Variants in NRCAM observed in about 807,000 individuals in gnomAD.
NRCAM encodes the protein NgCAM-related cell adhesion molecule.
A neutral mutation model predicts 156.5 loss-of-function variants in NRCAM; 83 were observed. That is an observed-to-expected ratio of 0.53 (90% confidence interval 0.44 to 0.64). The LOEUF (loss-of-function observed/expected upper bound fraction) is 0.64, where lower values mean the gene tolerates loss of function less well. Among genes scored for constraint, NRCAM ranks in the 30% least tolerant of loss-of-function variants. NRCAM has a pLI of 0.00. For synonymous variants in NRCAM, 538 were observed against 563.9 expected, an observed-to-expected ratio of 0.95 and a Z score of 0.65; for missense variants, 1,417 against 1,597.3, an observed-to-expected ratio of 0.89 and a Z score of 1.92.
chr7:108,218,453 A>G (rs868298109), intron 11 of NRCAM, among the ~76,000 whole-genome samples: 1 of 152,200 alleles, frequency 6.6e-6, no homozygotes, highest in South Asian at 2.1e-4. Context: ...GGACCATATG[A>G]TAGGCCACAA....
intron 13 of NRCAM, among the ~76,000 whole-genome samples, chr7:108,198,607 G>A (rs1386390026): frequency 6.6e-6 from 1 of 152,084 alleles, no homozygotes; most frequent in African/African-American, 2.4e-5. Flanking sequence ...AAAAGTTAAC[G>A]ATCAAGAGGA....
At chr7:108,272,776 A>C (rs187399373) in intron 3 of NRCAM, among the ~76,000 whole-genome samples, 20 of 152,018 alleles carry the variant, frequency 1.3e-4, no homozygotes, top group African/African-American at 3.6e-4. Flanking sequence ...ATTATACTTT[A>C]AGTTCTAGGG....
intron 3 of NRCAM, among the ~76,000 whole-genome samples, chr7:108,241,812 C>T (rs3819747): frequency 0.43 from 64,592 of 151,924 alleles, 15,312 homozygotes; most frequent in African/African-American, 0.63. Context: ...TAAAAACCAA[C>T]CTCTTGTTAA....
At chr7:108,424,671 T>C (rs895101507) in intron 1 of NRCAM, among the ~76,000 whole-genome samples, 73 of 152,190 alleles carry the variant, frequency 4.8e-4, no homozygotes, top group African/African-American at 1.7e-3. Flanking sequence ...TGAATAGTCA[T>C]TTCAGTGAAA....
At chr7:108,321,908 A>G (rs1593281787) in intron 2 of NRCAM, among the ~76,000 whole-genome samples, 1 of 152,236 alleles carries the variant, frequency 6.6e-6, no homozygotes, top group South Asian at 2.1e-4. Context: ...AGCAGGTGTT[A>G]AAAATAATAA....
chr7:108,374,539 G>A (rs1439988525), intron 2 of NRCAM, among the ~76,000 whole-genome samples: 3 of 152,058 alleles, frequency 2.0e-5, no homozygotes, highest in Non-Finnish European at 2.9e-5. Flanking sequence ...CTCTCTTAAT[G>A]AGGCTCATTT....
At chr7:108,156,916 T>C (rs1255943884) in intron 32 of NRCAM, among the ~76,000 whole-genome samples, 1 of 152,068 alleles carries the variant, frequency 6.6e-6, no homozygotes, top group African/African-American at 2.4e-5. Context: ...GCCTCTAAGA[T>C]AATAAACACT....
rs1411818482 is a variant in NRCAM at position 108,290,484 on chromosome 7, G to A, written c.-107+22181C>T. ...ACCATTTTCCTCAAACATTTAAAAAGGAATCATTTAGATCCTTAAAAAGTT... is the reference window on the plus strand; with the variant it reads ...ACCATTTTCCTCAAACATTTAAAAAAGAATCATTTAGATCCTTAAAAAGTT... On this transcript the variant is annotated intron_variant, in intron 3 of 32. Coordinates refer to ENST00000379028, the MANE Select transcript of NRCAM (RefSeq NM_001037132.4). 2.6e-5 allele frequency among the ~76,000 whole-genome samples: 4 copies of A among 152,062 alleles called. No individual in the cohort carries two copies. The South Asian group carries it at 6.2e-4, about 24-fold the overall frequency.
intron 1 of NRCAM, among the ~76,000 whole-genome samples, chr7:108,415,981 T>C (rs576905648): frequency 2.0e-5 from 3 of 152,370 alleles, no homozygotes; most frequent in Non-Finnish European, 4.4e-5. Context: ...TCCAGTGTTT[T>C]TCACAGTGGC....
At chr7:108,229,614 T>C (rs1476515480) in intron 8 of NRCAM, among the ~76,000 whole-genome samples, 5 of 152,222 alleles carry the variant, frequency 3.3e-5, no homozygotes, top group Non-Finnish European at 5.9e-5. Context: ...TCCTCTCATC[T>C]AGCCCAGGCC....
chr7:108,451,389 G>A (rs1372754852), intron 1 of NRCAM, among the ~76,000 whole-genome samples: 1 of 150,632 alleles, frequency 6.6e-6, no homozygotes, highest in South Asian at 2.1e-4. Flanking sequence ...AGCTACTATG[G>A]AAAAGAGTAT....
intron 11 of NRCAM, among the ~76,000 whole-genome samples, chr7:108,218,177 G>GC (rs1415931872): frequency 6.6e-6 from 1 of 151,170 alleles, no homozygotes; most frequent in Non-Finnish European, 1.5e-5. Context: ...CTTGGCTGGG[G>GC]GGGGGGGGGA....
At chr7:108,309,159 T>C (rs1416657477) in intron 3 of NRCAM, among the ~76,000 whole-genome samples, 4 of 152,180 alleles carry the variant, frequency 2.6e-5, no homozygotes, top group African/African-American at 7.2e-5. Context: ...ACGATCACAA[T>C]AGAGGGACTG....
chr7:108,191,972 A>C, intron 17 of NRCAM, 119 bp from the exon 18 acceptor site: 1 of 1,166,272 alleles, frequency 8.6e-7, no homozygotes, highest in Non-Finnish European at 1.2e-6. Flanking sequence ...AAACACTTTC[A>C]AAAGTTAGAG....
At chr7:108,419,226 T>C (rs1479621699) in intron 1 of NRCAM, among the ~76,000 whole-genome samples, 1 of 152,204 alleles carries the variant, frequency 6.6e-6, no homozygotes, top group Non-Finnish European at 1.5e-5. Flanking sequence ...TGGCAGTTAA[T>C]TTCCCCAGAG....
At chr7:108,168,205 T>C in intron 29 of NRCAM, 72 bp downstream of exon 29, 2 of 1,390,120 alleles carry the variant, frequency 1.4e-6, no homozygotes, top group Middle Eastern at 1.9e-4. Context: ...TAGTAAATTC[T>C]TAAGAATGTT....
chr7:108,178,353 CT>C, intron 25 of NRCAM: 1 of 487,936 alleles, frequency 2.0e-6, no homozygotes, highest in Non-Finnish European at 3.8e-6. Context: ...CACATAATGA[CT>C]TTGCCTTTAG....
rs535623119 is a variant in NRCAM, at chr7:108,429,981, A to AG, written c.-332+26261dup. Among the ~76,000 whole-genome samples the AG allele has an allele frequency of 8.0e-3, 1,214 of 152,306 alleles. 12 individuals carry two copies. Among genetic ancestry groups the AG allele is most frequent in the Non-Finnish European group, 9.1e-3 (619 of 68,030 alleles). On this transcript the variant is annotated intron_variant, in intron 1 of 32. Transcript: ENST00000379028. ...GACAGAGAAATGGACAAACAGACCT[A>AG]GGGAAAGAAGGTTCCAGACACAGGG...
At chr7:108,408,484 G>A (rs1791248479) in intron 1 of NRCAM, among the ~76,000 whole-genome samples, 4 of 152,320 alleles carry the variant, frequency 2.6e-5, no homozygotes, top group Non-Finnish European at 4.4e-5. Context: ...TAGCAAGAAT[G>A]TGAGAAAAGC....
Sources: allele counts gnomAD v4.1 joint callset (sites outside exome capture counted in the v4.1 genomes callset), GRCh38; gene constraint gnomAD v4.1.1; transcripts MANE v1.5; gene names NCBI Gene and HGNC (gene_info 2026-07-23, HGNC 2026-07-21).